Variants in GABRG3 observed in about 807,000 individuals in gnomAD.
GABRG3 encodes the protein gamma-aminobutyric acid type A receptor subunit gamma3.
A neutral mutation model predicts 48.8 loss-of-function variants in GABRG3; 25 were observed. That is an observed-to-expected ratio of 0.51 (90% CI 0.37 to 0.72). The LOEUF (loss-of-function observed/expected upper bound fraction) is 0.72, where lower values mean the gene tolerates loss of function less well. GABRG3 is among the 30% of genes least tolerant of loss of function. The pLI, the probability that GABRG3 is intolerant of heterozygous loss-of-function variation, is 0.00. For missense variants in GABRG3, 394 were observed against 577.9 expected, an observed-to-expected ratio of 0.68 and a Z score of 3.26; for synonymous variants, 227 against 217.6, an observed-to-expected ratio of 1.04 and a Z score of -0.38.
Position 27,533,519 on chromosome 15 carries a change from A to T in GABRG3, c.*638A>T, listed in dbSNP as rs920964736. On this transcript the variant is annotated 3_prime_UTR_variant, in exon 10 of 10. Transcript: ENST00000615808. ...TCTACGGTTTCCATTGGAGGAGAAA[A>T]TAAGATTTTCAAAATGCTCATGTTG... The T allele has an allele frequency of 2.6e-5, 4 of 152,268 alleles. No homozygotes were observed. The highest frequency in any genetic ancestry group is 4.4e-5 in the Non-Finnish European group (3 of 68,106). 9.4% of individuals were successfully genotyped at this position (152,268 alleles called of 1,614,324 possible).
intron 3 of GABRG3, among the ~76,000 whole-genome samples, chr15:27,112,128 A>G (rs1595531418): frequency 6.6e-6 from 1 of 152,244 alleles, no homozygotes; most frequent in Middle Eastern, 3.4e-3. Flanking sequence ...AGCCTCCAGC[A>G]AGTCATCATT....
intron 3 of GABRG3, among the ~76,000 whole-genome samples, chr15:27,112,821 C>G (rs902368497): frequency 3.3e-5 from 5 of 152,116 alleles, no homozygotes; most frequent in African/African-American, 1.2e-4. Flanking sequence ...TCAGCTAACC[C>G]CTTATGAGCG....
At chr15:27,050,738 T>A (rs1165186210) in intron 3 of GABRG3, among the ~76,000 whole-genome samples, 1 of 152,006 alleles carries the variant, frequency 6.6e-6, no homozygotes, top group Non-Finnish European at 1.5e-5. Context: ...AATTATAATA[T>A]TATTAACTAT....
At chr15:27,274,669 C>T (rs1040758955) in intron 3 of GABRG3, among the ~76,000 whole-genome samples, 14 of 152,146 alleles carry the variant, frequency 9.2e-5, no homozygotes, top group African/African-American at 3.1e-4. Context: ...CAAACCATAG[C>T]AACCCTCAAG....
At chr15:27,119,354 C>T (rs1897693926) in intron 3 of GABRG3, among the ~76,000 whole-genome samples, 1 of 152,198 alleles carries the variant, frequency 6.6e-6, no homozygotes, top group South Asian at 2.1e-4. Context: ...AATCTGTCTT[C>T]TGTTATACGA....
chr15:27,501,926 C>T (rs921577241), intron 6 of GABRG3, among the ~76,000 whole-genome samples: 2 of 152,152 alleles, frequency 1.3e-5, no homozygotes, highest in African/African-American at 4.8e-5. Flanking sequence ...TTGCTTCCTT[C>T]CCCATGAGTC....
At chr15:27,346,882 A>G (rs1311835826) in intron 5 of GABRG3, among the ~76,000 whole-genome samples, 1 of 152,160 alleles carries the variant, frequency 6.6e-6, no homozygotes, top group African/African-American at 2.4e-5. Flanking sequence ...AATCACAGTA[A>G]TTTTAAATTG....
intron 5 of GABRG3, among the ~76,000 whole-genome samples, chr15:27,400,106 A>AT: frequency 6.6e-6 from 1 of 152,232 alleles, no homozygotes; most frequent in South Asian, 2.1e-4. Flanking sequence ...CTAATGCCTG[A>AT]TTTTTCAGAT....
intron 3 of GABRG3, among the ~76,000 whole-genome samples, chr15:27,240,055 GTCA>G (rs1281163131): frequency 6.6e-6 from 1 of 152,170 alleles, no homozygotes; most frequent in African/African-American, 2.4e-5. Flanking sequence ...ATTAATTAGT[GTCA>G]TCAATTACTT....
intron 3 of GABRG3, among the ~76,000 whole-genome samples, chr15:27,234,417 T>C (rs1356889002): frequency 6.6e-6 from 1 of 152,184 alleles, no homozygotes; most frequent in Non-Finnish European, 1.5e-5. Context: ...TCTTCTCATC[T>C]GTACAATGGA....
At chr15:27,394,672 G>A (rs1887246085) in intron 5 of GABRG3, among the ~76,000 whole-genome samples, 1 of 152,078 alleles carries the variant, frequency 6.6e-6, no homozygotes, top group Admixed American at 6.6e-5. Flanking sequence ...TTTAAAACCT[G>A]GGAATGTCTT....
chr15:27,340,462 A>G (rs1211550229), intron 5 of GABRG3: 2 of 152,264 alleles, frequency 1.3e-5, no homozygotes, highest in Admixed American at 6.5e-5. Flanking sequence ...GCAAATACCA[A>G]GCTCTCTGTT....
chr15:27,114,219 T>C (rs930066496), intron 3 of GABRG3, among the ~76,000 whole-genome samples: 1 of 152,250 alleles, frequency 6.6e-6, no homozygotes, highest in African/African-American at 2.4e-5. Context: ...CCTGGTTTCC[T>C]TTTCTACCAA....
At chr15:27,054,787 G>A (rs962585489) in intron 3 of GABRG3, among the ~76,000 whole-genome samples, 1 of 152,146 alleles carries the variant, frequency 6.6e-6, no homozygotes. Context: ...ATCGAGCGGG[G>A]AGGAACAGCT....
chr15:27,456,768 G>A (rs8037353), intron 5 of GABRG3, among the ~76,000 whole-genome samples: 20,663 of 152,144 alleles, frequency 0.14, 2,132 homozygotes, highest in African/African-American at 0.28. Context: ...TTGTGGGCCT[G>A]GAAGAGAGCC....
chr15:26,973,088 A>G lies in GABRG3; in HGVS notation c.53+1500A>G, dbSNP rs1396386979. Among the ~76,000 whole-genome samples the G allele has an allele frequency of 2.6e-5, 4 of 152,294 alleles. No individual in the cohort carries two copies. In the East Asian group the frequency reaches 7.7e-4, roughly 29 times the overall value. On this transcript the variant is annotated intron_variant, in intron 1 of 9. Transcript: ENST00000615808. ...GCAGTCACATCTCTGCCACCTTTCT[A>G]TTGCCACCAACTCAAACGAGTGACC...
At chr15:27,303,754 A>G (rs191100834) in intron 3 of GABRG3, among the ~76,000 whole-genome samples, 37 of 149,722 alleles carry the variant, frequency 2.5e-4, no homozygotes, top group East Asian at 1.2e-3. Flanking sequence ...CCGTGTGTGT[A>G]TATATATATA....
chr15:27,188,976 G>A (rs1352544594), intron 3 of GABRG3, among the ~76,000 whole-genome samples: 6 of 152,010 alleles, frequency 3.9e-5, no homozygotes, highest in South Asian at 2.1e-4. Context: ...ACCATTTATT[G>A]AATAGGGAAT....
intron 3 of GABRG3, among the ~76,000 whole-genome samples, chr15:27,258,636 A>G (rs1195918791): frequency 6.6e-5 from 10 of 152,188 alleles, no homozygotes; most frequent in African/African-American, 2.4e-4. Context: ...ATTACTGTAC[A>G]TATTTACAGG....
Sources: allele counts gnomAD v4.1 joint callset (sites outside exome capture counted in the v4.1 genomes callset), GRCh38; gene constraint gnomAD v4.1.1; transcripts MANE v1.5; gene names NCBI Gene and HGNC (gene_info 2026-07-23, HGNC 2026-07-21).